The following ZMYND11 variants were observed in gnomAD, a reference collection of about 807,000 sequenced individuals.
ZMYND11 encodes the protein zinc finger MYND-type containing 11.
ZMYND11 carries 9 observed loss-of-function variants against 84.9 expected under a neutral mutation model. That is an observed-to-expected ratio of 0.11 (90% CI 0.06 to 0.18). The LOEUF (loss-of-function observed/expected upper bound fraction) is 0.18. Ranked by LOEUF, ZMYND11 falls within the 10% of genes least tolerant of loss-of-function variation. The pLI is 1.00. For synonymous variants in ZMYND11, 250 were observed against 244.1 expected (o/e 1.02, Z -0.23); for missense variants, 409 against 761.0 (o/e 0.54, Z 5.44).
intron 2 of ZMYND11, among the ~76,000 whole-genome samples, chr10:203,765 T>TC (rs1943647599): frequency 6.6e-6 from 1 of 152,164 alleles, no homozygotes; most frequent in Non-Finnish European, 1.5e-5. Context: ...AAAAGTCTTC[T>TC]CCCATCCCTT....
chr10:161,163 G>A (rs1842876965), intron 1 of ZMYND11, among the ~76,000 whole-genome samples: 1 of 152,004 alleles, frequency 6.6e-6, no homozygotes, highest in Admixed American at 6.6e-5. Flanking sequence ...CAGAAGGGAT[G>A]TCATGTTAGC....
chr10:187,469 C>T (rs1286609474), intron 2 of ZMYND11, among the ~76,000 whole-genome samples: 1 of 152,008 alleles, frequency 6.6e-6, no homozygotes, highest in Non-Finnish European at 1.5e-5. Flanking sequence ...CCCGTCTCTA[C>T]TAAAAATACA....
At chr10:177,048 TAG>T (rs1846791658) in intron 1 of ZMYND11, among the ~76,000 whole-genome samples, 1 of 152,222 alleles carries the variant, frequency 6.6e-6, no homozygotes, top group Non-Finnish European at 1.5e-5. Context: ...TTCTTATATC[TAG>T]TCACATCACT....
intron 1 of ZMYND11, among the ~76,000 whole-genome samples, chr10:173,729 A>T (rs188408427): frequency 0.013 from 2,002 of 151,972 alleles, 17 homozygotes; most frequent in Non-Finnish European, 0.02. Flanking sequence ...TAAAAAAAAA[A>T]TTTTTTTAAG....
intron 1 of ZMYND11, among the ~76,000 whole-genome samples, chr10:139,011 C>T (rs1375868932): frequency 4.6e-5 from 7 of 151,704 alleles, no homozygotes; most frequent in African/African-American, 1.7e-4. Flanking sequence ...TTTTCTATTT[C>T]ACCATGCCGG....
intron 2 of ZMYND11, among the ~76,000 whole-genome samples, chr10:205,178 G>T (rs987924920): frequency 6.6e-6 from 1 of 152,196 alleles, no homozygotes; most frequent in Non-Finnish European, 1.5e-5. Flanking sequence ...CCTTTTAAAG[G>T]TTCTGTTTTA....
intron 2 of ZMYND11, among the ~76,000 whole-genome samples, chr10:186,293 G>C (rs1204437937): frequency 1.3e-5 from 2 of 151,752 alleles, no homozygotes; most frequent in Non-Finnish European, 2.9e-5. Context: ...CTAGAGGTGT[G>C]AGCCACCGCG....
intron 1 of ZMYND11, among the ~76,000 whole-genome samples, chr10:154,277 G>A (rs890716937): frequency 1.1e-4 from 17 of 152,104 alleles, no homozygotes; most frequent in African/African-American, 3.4e-4. Flanking sequence ...ACAAAAGCTC[G>A]TCTAATACAT....
At position 253,802 on chromosome 10, in the gene ZMYND11, A is replaced by G. The variant is rs1202489408; in HGVS notation, c.*1332A>G. The G allele has an allele frequency of 6.6e-6, 1 of 152,640 alleles. No homozygotes were observed. The highest frequency in any genetic ancestry group is 2.4e-5 in the African/African-American group (1 of 41,450). The allele number at this position is 152,640 out of a possible 1,614,324, so 9.5% of individuals were successfully genotyped here. On this transcript the variant is annotated 3_prime_UTR_variant, in exon 15 of 15. Coordinates refer to ENST00000381604, the MANE Select transcript of ZMYND11 (RefSeq NM_001370100.5). ...TAGACCTTTGATATTTATTAAAGCA[A>G]TTACTCACAATGGAAGTGAAAGAAT...
chr10:183,837 G>GT (rs1848383557), intron 2 of ZMYND11, among the ~76,000 whole-genome samples: 1 of 152,090 alleles, frequency 6.6e-6, no homozygotes, highest in Non-Finnish European at 1.5e-5. Context: ...CTTTCTGCTT[G>GT]TTATGAACAA....
intron 2 of ZMYND11, among the ~76,000 whole-genome samples, chr10:197,505 T>G (rs1191931976): frequency 1.3e-5 from 2 of 152,228 alleles, no homozygotes; most frequent in African/African-American, 2.4e-5. Flanking sequence ...GAAAGACTTC[T>G]ATACCTCTAT....
At chr10:212,730 T>C (rs1472602628) in intron 3 of ZMYND11, among the ~76,000 whole-genome samples, 1 of 152,010 alleles carries the variant, frequency 6.6e-6, no homozygotes, top group Non-Finnish European at 1.5e-5. Context: ...GACCAATGAA[T>C]AAATATGCTT....
At chr10:230,419 G>A (rs1253401588) in intron 4 of ZMYND11, among the ~76,000 whole-genome samples, 1 of 143,264 alleles carries the variant, frequency 7.0e-6, no homozygotes, top group Non-Finnish European at 1.5e-5. Context: ...GTTGTAGTGA[G>A]TTGAGATCGC....
chr10:134,683 G>A (rs1212954853), upstream of ZMYND11: 2 of 152,220 alleles, frequency 1.3e-5, no homozygotes, highest in South Asian at 4.1e-4. Flanking sequence ...CCGCGAGCCA[G>A]GGGCAGGCAC....
chr10:170,243 T>G (rs190857035), intron 1 of ZMYND11, among the ~76,000 whole-genome samples: 476 of 152,204 alleles, frequency 3.1e-3, no homozygotes, highest in Middle Eastern at 0.031. Context: ...ATTTTTTGCC[T>G]TGTAATAAAT....
intron 1 of ZMYND11, among the ~76,000 whole-genome samples, chr10:178,408 T>C (rs1847133084): frequency 6.6e-6 from 1 of 152,222 alleles, no homozygotes; most frequent in Non-Finnish European, 1.5e-5. Flanking sequence ...GTTGTATTAT[T>C]ACAGTTCACC....
At chr10:207,266 CT>C (rs1469509513) in intron 2 of ZMYND11, among the ~76,000 whole-genome samples, 4 of 152,164 alleles carry the variant, frequency 2.6e-5, no homozygotes, top group Non-Finnish European at 5.9e-5. Context: ...GGTTCCAAGT[CT>C]TTGCTATTGT....
At chr10:210,179 C>T (rs114051362) in intron 3 of ZMYND11, 131 bp downstream of exon 3, 14 of 986,240 alleles carry the variant, frequency 1.4e-5, no homozygotes, top group African/African-American at 3.3e-5. Flanking sequence ...AACATTAAGG[C>T]TCTACATTGG....
chr10:180,806 T>C (rs1588700540), intron 2 of ZMYND11, among the ~76,000 whole-genome samples: 1 of 152,230 alleles, frequency 6.6e-6, no homozygotes, highest in African/African-American at 2.4e-5. Context: ...ATAGGCATGG[T>C]ATGTGTAGTA....
Sources: allele counts gnomAD v4.1 joint callset (sites outside exome capture counted in the v4.1 genomes callset), GRCh38; gene constraint gnomAD v4.1.1; transcripts MANE v1.5; gene names NCBI Gene and HGNC (gene_info 2026-07-23, HGNC 2026-07-21).